The following SLCO5A1 variants were observed in gnomAD, a reference collection of about 807,000 sequenced individuals.
The protein encoded by SLCO5A1 is organic anion transporter polypeptide-related protein 4.
SLCO5A1 carries 39 observed loss-of-function variants against 65.1 expected under a neutral mutation model. That is an observed-to-expected ratio of 0.60 (90% CI 0.46 to 0.78). The LOEUF is 0.78. Among genes scored for constraint, SLCO5A1 ranks in the 30% least tolerant of loss-of-function variants. The probability of loss-of-function intolerance (pLI) is 0.00; values close to 1 mark genes in which losing one functional copy is unlikely to be tolerated. For synonymous variants in SLCO5A1, 438 were observed against 415.7 expected (o/e 1.05, Z -0.65); for missense variants, 1,029 against 1,069.4 (o/e 0.96, Z 0.53).
intron 2 of SLCO5A1, among the ~76,000 whole-genome samples, chr8:69,802,651 A>C (rs989941309): frequency 6.6e-6 from 1 of 151,440 alleles, no homozygotes; most frequent in African/African-American, 2.4e-5. Flanking sequence ...CCCTCCCTCA[A>C]CTCCCAGTAA....
intron 5 of SLCO5A1, among the ~76,000 whole-genome samples, chr8:69,731,991 A>G (rs16936385): frequency 0.03 from 4,639 of 152,320 alleles, 244 homozygotes; most frequent in African/African-American, 0.1. Context: ...TTACAAAACT[A>G]GTACAAAAAT....
chr8:69,712,863 G>GA (rs1815335324), intron 5 of SLCO5A1, among the ~76,000 whole-genome samples: 1 of 84,588 alleles, frequency 1.2e-5, no homozygotes, highest in Non-Finnish European at 2.6e-5. Flanking sequence ...ATCTTTAAGT[G>GA]ATTTGCTCAT....
intron 3 of SLCO5A1, among the ~76,000 whole-genome samples, chr8:69,758,451 A>C (rs992997806): frequency 6.6e-6 from 1 of 152,104 alleles, no homozygotes. Flanking sequence ...AAGTGCTGGG[A>C]TTATAAGCGT....
chr8:69,814,373 C>A (rs1820321925), intron 2 of SLCO5A1, among the ~76,000 whole-genome samples: 1 of 152,066 alleles, frequency 6.6e-6, no homozygotes, highest in African/African-American at 2.4e-5. Flanking sequence ...CTTGAATAGA[C>A]ATTTCTCAAA....
intron 5 of SLCO5A1, among the ~76,000 whole-genome samples, chr8:69,729,707 T>C (rs977526796): frequency 6.6e-6 from 1 of 151,462 alleles, no homozygotes; most frequent in Admixed American, 6.6e-5. Context: ...AGAGAGAGCG[T>C]GTGTGTGTGT....
chr8:69,775,668 T>C (rs1381996509), intron 2 of SLCO5A1, among the ~76,000 whole-genome samples: 1 of 152,078 alleles, frequency 6.6e-6, no homozygotes, highest in Non-Finnish European at 1.5e-5. Context: ...ATGGGACTTA[T>C]CAAAACATAA....
chr8:69,706,199 A>G (rs1174412126), intron 5 of SLCO5A1, among the ~76,000 whole-genome samples: 1 of 152,242 alleles, frequency 6.6e-6, no homozygotes, highest in African/African-American at 2.4e-5. Context: ...ACAAGACATC[A>G]CTACGTTGGT....
At chr8:69,762,172 TTCTTTCTTTCTTTCTTTC>T (rs1353019888) in intron 2 of SLCO5A1, among the ~76,000 whole-genome samples, 8 of 128,000 alleles carry the variant, frequency 6.3e-5, no homozygotes, top group African/African-American at 2.3e-4. Context: ...CTTTCTTTCT[TTCTTTCTTTCTTTCTTTC>T]TTTCTTTCTT....
intron 5 of SLCO5A1, among the ~76,000 whole-genome samples, chr8:69,733,546 C>T (rs1430335382): frequency 6.6e-6 from 1 of 152,150 alleles, no homozygotes; most frequent in African/African-American, 2.4e-5. Flanking sequence ...CCCTGTGTCC[C>T]CACTCAAATC....
At chr8:69,803,965 T>A (rs1330546030) in intron 2 of SLCO5A1, among the ~76,000 whole-genome samples, 1 of 151,892 alleles carries the variant, frequency 6.6e-6, no homozygotes, top group South Asian at 2.1e-4. Flanking sequence ...AAAGTTTGAG[T>A]TCCACACCCC....
At chr8:69,824,560 T>G (rs1820788397) in intron 2 of SLCO5A1, among the ~76,000 whole-genome samples, 1 of 152,104 alleles carries the variant, frequency 6.6e-6, no homozygotes, top group Admixed American at 6.6e-5. Flanking sequence ...ACATACACCC[T>G]CCCAAGACTA....
At chr8:69,738,442 T>C (rs529999271) in intron 4 of SLCO5A1, among the ~76,000 whole-genome samples, 1 of 152,000 alleles carries the variant, frequency 6.6e-6, no homozygotes, top group African/African-American at 2.4e-5. Context: ...CCTAAAAACA[T>C]ACCCATACAC....
chr8:69,761,988 C>T (rs73684303), intron 2 of SLCO5A1, 113 bp from the exon 3 acceptor site: 161,780 of 1,327,752 alleles, frequency 0.12, 10,151 homozygotes, highest in South Asian at 0.14. Context: ...CAGTTAACTT[C>T]CAAAAACGGA....
At chr8:69,771,568 G>A (rs1007497875) in intron 2 of SLCO5A1, among the ~76,000 whole-genome samples, 5 of 152,118 alleles carry the variant, frequency 3.3e-5, no homozygotes, top group African/African-American at 1.2e-4. Context: ...ACATGATCTT[G>A]TTTAACAGTG....
intron 7 of SLCO5A1, among the ~76,000 whole-genome samples, chr8:69,680,620 A>G (rs1813728851): frequency 6.6e-6 from 1 of 152,192 alleles, no homozygotes; most frequent in Non-Finnish European, 1.5e-5. Flanking sequence ...TTTCTGGTAG[A>G]ACAATTTGTT....
At chr8:69,770,564 C>A (rs1387787000) in intron 2 of SLCO5A1, among the ~76,000 whole-genome samples, 1 of 152,144 alleles carries the variant, frequency 6.6e-6, no homozygotes, top group African/African-American at 2.4e-5. Context: ...TGTGTACTTT[C>A]GTGGAGTTAA....
chr8:69,772,604 G>T (rs564015208), intron 2 of SLCO5A1, among the ~76,000 whole-genome samples: 1 of 144,662 alleles, frequency 6.9e-6, no homozygotes, highest in African/African-American at 2.6e-5. Context: ...GAAAGGAAAG[G>T]AAAGGAAAGG....
chr8:69,691,885 T>A (rs1814275979), intron 6 of SLCO5A1, among the ~76,000 whole-genome samples: 1 of 152,194 alleles, frequency 6.6e-6, no homozygotes, highest in Non-Finnish European at 1.5e-5. Flanking sequence ...ATTTGTGTAC[T>A]GAATACCATA....
At chr8:69,707,681 G>A (rs1275292333) in intron 5 of SLCO5A1, among the ~76,000 whole-genome samples, 2 of 152,184 alleles carry the variant, frequency 1.3e-5, no homozygotes, top group Non-Finnish European at 2.9e-5. Flanking sequence ...CTTAGATGTG[G>A]TCAAAACTCA....
Sources: allele counts gnomAD v4.1 joint callset (sites outside exome capture counted in the v4.1 genomes callset), GRCh38; gene constraint gnomAD v4.1.1; transcripts MANE v1.5; gene names NCBI Gene and HGNC (gene_info 2026-07-23, HGNC 2026-07-21).